FGF12: variants seen among roughly 807,000 people sequenced by gnomAD.
FGF12 encodes fibroblast growth factor 12.
In FGF12, 14 loss-of-function variants were observed where a neutral mutation model predicts 23.6. That is an observed-to-expected ratio of 0.59 (90% CI 0.39 to 0.93). FGF12 has a LOEUF of 0.93. FGF12 is among the 40% of genes least tolerant of loss of function. FGF12 has a pLI of 0.00. For missense variants in FGF12, 175 were observed against 217.8 expected (o/e 0.80, Z 1.24); for synonymous variants, 62 against 77.3 (o/e 0.80, Z 1.04).
chr3:192,213,161 C>A (rs1370366470), intron 4 of FGF12, among the ~76,000 whole-genome samples: 1 of 152,266 alleles, frequency 6.6e-6, no homozygotes, highest in Admixed American at 6.5e-5. Flanking sequence ...ACTCTTCCTT[C>A]CCCCTTGTAA....
At position 192,218,938 on chromosome 3, in the gene FGF12, C is replaced by T. The variant is rs900290951; in HGVS notation, c.229-48282G>A. ...TCTTCCAGGTCCTGACCCTGCCTTT[C>T]GGCTGCCTATTGTGACCCCTAGCTA... is the stretch of plus-strand genomic sequence containing the variant. On this transcript the variant is annotated intron_variant, in intron 4 of 5. Transcript: ENST00000445105. Among the ~76,000 whole-genome samples the T allele has an allele frequency of 4.6e-5, 7 of 152,172 alleles. No individual in the cohort carries two copies. The South Asian group carries it at 1.0e-3, about 23-fold the overall frequency.
chr3:192,557,768 C>T (rs1711849639), intron 2 of FGF12, among the ~76,000 whole-genome samples: 1 of 151,734 alleles, frequency 6.6e-6, no homozygotes, highest in Non-Finnish European at 1.5e-5. Context: ...GTTCAACTTA[C>T]AAAAATCAAT....
At chr3:192,353,186 C>T (rs889599293) in intron 3 of FGF12, among the ~76,000 whole-genome samples, 1 of 152,074 alleles carries the variant, frequency 6.6e-6, no homozygotes, top group African/African-American at 2.4e-5. Context: ...TCAAAGACAA[C>T]CTCAGTCCTC....
At chr3:192,437,903 C>T (rs566350647) in intron 2 of FGF12, among the ~76,000 whole-genome samples, 5 of 152,188 alleles carry the variant, frequency 3.3e-5, no homozygotes. Context: ...TCATTTCCTG[C>T]CTCTCCTTCC....
At chr3:192,447,560 G>A (rs1382666260) in intron 2 of FGF12, among the ~76,000 whole-genome samples, 3 of 152,088 alleles carry the variant, frequency 2.0e-5, no homozygotes, top group Non-Finnish European at 4.4e-5. Context: ...GGTTTACATA[G>A]TGGCAATAAT....
intron 4 of FGF12, among the ~76,000 whole-genome samples, chr3:192,227,059 C>T (rs916857291): frequency 9.9e-5 from 15 of 152,142 alleles, no homozygotes; most frequent in Non-Finnish European, 1.0e-4. Flanking sequence ...AATCTGCTGG[C>T]ACCTTAATCT....
At chr3:192,232,920 A>G (rs1384014061) in intron 4 of FGF12, among the ~76,000 whole-genome samples, 2 of 152,174 alleles carry the variant, frequency 1.3e-5, no homozygotes, top group African/African-American at 4.8e-5. Flanking sequence ...TCCACGACGT[A>G]CATGTGCCAT....
intron 4 of FGF12, among the ~76,000 whole-genome samples, chr3:192,253,021 A>C (rs547235438): frequency 2.8e-4 from 43 of 152,266 alleles, no homozygotes; most frequent in African/African-American, 1.0e-3. Flanking sequence ...GGATTTATGA[A>C]TTGATCAATG....
rs538491634 is a variant in FGF12, at chr3:192,202,384, AGCCACAGATAACT to A, written c.229-31741_229-31729del. 5.6e-4 allele frequency among the ~76,000 whole-genome samples: 86 copies of A among 152,352 alleles called. No homozygotes were observed. The East Asian group carries it at 0.016, about 28-fold the overall frequency. On this transcript the variant is annotated intron_variant, in intron 4 of 5. Coordinates refer to ENST00000445105, the MANE Select transcript of FGF12 (RefSeq NM_004113.6). Reference sequence around the variant, plus strand: ...ATGATAGCAAAATCCAAATATTTAAAGCCACAGATAACTGCCCAAGATTTTTGTCTCCATTTGT... The same window carrying A: ...ATGATAGCAAAATCCAAATATTTAAAGCCCAAGATTTTTGTCTCCATTTGT...
At chr3:192,415,608 C>T (rs1721323527) in intron 2 of FGF12, among the ~76,000 whole-genome samples, 1 of 151,990 alleles carries the variant, frequency 6.6e-6, no homozygotes, top group African/African-American at 2.4e-5. Flanking sequence ...CTAAAATTCT[C>T]TGCCTAAATA....
chr3:192,247,196 T>A (rs112113586), intron 4 of FGF12, among the ~76,000 whole-genome samples: 1 of 152,106 alleles, frequency 6.6e-6, no homozygotes, highest in Non-Finnish European at 1.5e-5. Context: ...ATGGGAAACA[T>A]TTGTGTAGCA....
intron 2 of FGF12, among the ~76,000 whole-genome samples, chr3:192,504,414 C>T (rs916359535): frequency 5.3e-5 from 8 of 152,222 alleles, no homozygotes; most frequent in African/African-American, 1.7e-4. Context: ...AACATTTGCT[C>T]TCTCACTTTC....
At chr3:192,480,021 G>C (rs1723436826) in intron 2 of FGF12, among the ~76,000 whole-genome samples, 1 of 151,864 alleles carries the variant, frequency 6.6e-6, no homozygotes, top group South Asian at 2.1e-4. Context: ...CTGGAGGAGG[G>C]GGGAAATGCC....
chr3:192,244,648 ATTATC>A (rs1719792743), intron 4 of FGF12, among the ~76,000 whole-genome samples: 1 of 152,204 alleles, frequency 6.6e-6, no homozygotes, highest in African/African-American at 2.4e-5. Context: ...AAGTGAATGT[ATTATC>A]TGTTCAAAGG....
rs115415645 is a variant in FGF12 at position 192,429,574 on chromosome 3, C to T, written c.14-69036G>A. The stretch of plus-strand genomic sequence containing the variant: ...CTCCTTCTCTAGAACTATGTGCCTA[C>T]ACTTTACCCAAAAGGCCAAGTGTAC... On this transcript the variant is annotated intron_variant, in intron 2 of 5. Transcript: ENST00000445105. Among the ~76,000 whole-genome samples the T allele has an allele frequency of 5.8e-3, 887 of 152,258 alleles. 9 individuals carry two copies. Among genetic ancestry groups the T allele is most frequent in the African/African-American group, 0.019 (788 of 41,528 alleles).
intron 2 of FGF12, among the ~76,000 whole-genome samples, chr3:192,519,509 T>C (rs575043524): frequency 1.9e-3 from 290 of 152,304 alleles, no homozygotes; most frequent in Non-Finnish European, 3.3e-3. Context: ...GTTAAAGTTA[T>C]GTCTACTAGA....
intron 4 of FGF12, among the ~76,000 whole-genome samples, chr3:192,211,722 T>C (rs1717942080): frequency 6.6e-6 from 1 of 152,122 alleles, no homozygotes; most frequent in Non-Finnish European, 1.5e-5. Context: ...CCACCGTGAC[T>C]GGCCTTTATT....
At chr3:192,461,743 C>T (rs1722867610) in intron 2 of FGF12, among the ~76,000 whole-genome samples, 1 of 152,112 alleles carries the variant, frequency 6.6e-6, no homozygotes, top group Non-Finnish European at 1.5e-5. Context: ...AATCCCAGCA[C>T]TTTGTGAGGC....
intron 4 of FGF12, among the ~76,000 whole-genome samples, chr3:192,317,554 G>A (rs1716294240): frequency 6.6e-6 from 1 of 151,920 alleles, no homozygotes. Context: ...TTGGGTGCTA[G>A]CTCAACCACA....
Sources: gnomAD v4.1 joint callset for allele counts (sites outside exome capture counted in the v4.1 genomes callset) on GRCh38, gnomAD v4.1.1 for gene constraint, MANE v1.5 for transcripts, NCBI Gene and HGNC (gene_info 2026-07-23, HGNC 2026-07-21) for gene names.